Variants in PPP1R9A observed in about 807,000 individuals in gnomAD.
PPP1R9A encodes the protein protein phosphatase 1 regulatory subunit 9A, also known as neurabin-1.
A neutral mutation model predicts 141.9 loss-of-function variants in PPP1R9A; 59 were observed. The ratio of observed to expected loss-of-function variants is 0.42; its 90% CI spans 0.34 to 0.52. The LOEUF (loss-of-function observed/expected upper bound fraction) is 0.52. PPP1R9A is among the 20% of genes least tolerant of loss of function. The pLI, the probability that PPP1R9A is intolerant of heterozygous loss-of-function variation, is 0.10. For synonymous variants in PPP1R9A, 500 were observed against 569.7 expected (o/e 0.88, Z 1.74); for missense variants, 1,444 against 1,611.9 (o/e 0.90, Z 1.78).
At chr7:95,202,423 G>A (rs1789761481) in intron 6 of PPP1R9A, 1 of 161,330 alleles carries the variant, frequency 6.2e-6, no homozygotes, top group Non-Finnish European at 1.3e-5. Context: ...TTTAAGAAGA[G>A]GGAGATGAAT....
At chr7:95,121,459 G>GTCTATCTATCTA (rs35336740) in intron 4 of PPP1R9A, among the ~76,000 whole-genome samples, 107 of 50,364 alleles carry the variant, frequency 2.1e-3, no homozygotes, top group African/African-American at 3.6e-3. Flanking sequence ...CTGTCTGTCT[G>GTCTATCTATCTA]TCTATCTATC....
chr7:95,016,976 A>G (rs1805197214), intron 2 of PPP1R9A, among the ~76,000 whole-genome samples: 1 of 152,176 alleles, frequency 6.6e-6, no homozygotes, highest in Non-Finnish European at 1.5e-5. Flanking sequence ...CTAATCCAAT[A>G]TGACTGGTGT....
intron 4 of PPP1R9A, among the ~76,000 whole-genome samples, chr7:95,133,650 G>A (rs1825090461): frequency 6.6e-6 from 1 of 151,370 alleles, no homozygotes; most frequent in African/African-American, 2.4e-5. Flanking sequence ...TGAATTCTTA[G>A]GACCAGAAGA....
At chr7:95,058,821 G>T (rs368601678) in intron 2 of PPP1R9A, among the ~76,000 whole-genome samples, 2 of 151,150 alleles carry the variant, frequency 1.3e-5, no homozygotes, top group African/African-American at 4.9e-5. Context: ...ATGAAGTCTC[G>T]CTCTGTTACC....
At chr7:95,079,863 GA>G (rs1815514353) in intron 2 of PPP1R9A, among the ~76,000 whole-genome samples, 1 of 152,176 alleles carries the variant, frequency 6.6e-6, no homozygotes, top group South Asian at 2.1e-4. Context: ...AATAGATGCA[GA>G]AAAGGCCTTT....
At chr7:95,029,497 T>C (rs1352163904) in intron 2 of PPP1R9A, among the ~76,000 whole-genome samples, 6 of 152,228 alleles carry the variant, frequency 3.9e-5, no homozygotes, top group Non-Finnish European at 7.3e-5. Flanking sequence ...ACATAGAATG[T>C]ATATTAAAAT....
At chr7:94,953,866 C>T (rs368608456) in intron 2 of PPP1R9A, among the ~76,000 whole-genome samples, 29 of 152,142 alleles carry the variant, frequency 1.9e-4, no homozygotes, top group Middle Eastern at 6.8e-3. Context: ...TGGGCTGAGA[C>T]GATGGGGTTT....
chr7:94,923,040 C>G (rs1409005807), intron 2 of PPP1R9A, among the ~76,000 whole-genome samples: 2 of 152,110 alleles, frequency 1.3e-5, no homozygotes, highest in Non-Finnish European at 2.9e-5. Flanking sequence ...GAAGGTGTTA[C>G]TTTAAGAAAA....
intron 2 of PPP1R9A, among the ~76,000 whole-genome samples, chr7:95,033,265 T>C (rs368791599): frequency 0.017 from 2,602 of 151,046 alleles, 65 homozygotes; most frequent in African/African-American, 0.061. Flanking sequence ...CCGCCCGCCT[T>C]GGCCTCCCAA....
intron 2 of PPP1R9A, among the ~76,000 whole-genome samples, chr7:94,952,928 G>A (rs1796641666): frequency 1.3e-5 from 2 of 152,146 alleles, no homozygotes; most frequent in South Asian, 4.1e-4. Flanking sequence ...TCTGGTGATA[G>A]TTCCTTTTGC....
At chr7:95,179,454 G>A (rs1445148933) in intron 5 of PPP1R9A, among the ~76,000 whole-genome samples, 3 of 151,994 alleles carry the variant, frequency 2.0e-5, no homozygotes, top group African/African-American at 7.2e-5. Context: ...TTCCCTCTGA[G>A]AACTGGAACA....
chr7:95,063,938 T>G (rs2152095149), intron 2 of PPP1R9A, among the ~76,000 whole-genome samples: 1 of 152,340 alleles, frequency 6.6e-6, no homozygotes, highest in East Asian at 1.9e-4. Flanking sequence ...TTAATTCACT[T>G]CAAGTTTGTA....
intron 5 of PPP1R9A, among the ~76,000 whole-genome samples, chr7:95,191,090 G>A (rs961613557): frequency 1.3e-5 from 2 of 152,114 alleles, no homozygotes; most frequent in Non-Finnish European, 2.9e-5. Flanking sequence ...CTTCAATTTA[G>A]TAAATTGTAA....
At chr7:95,108,316 T>C (rs1466198385) in intron 2 of PPP1R9A, among the ~76,000 whole-genome samples, 7 of 123,256 alleles carry the variant, frequency 5.7e-5, no homozygotes, top group East Asian at 2.2e-4. Context: ...TCTTTTTTTT[T>C]TTTTTTTTTT....
chr7:95,157,371 G>A (rs1829800303), intron 4 of PPP1R9A, among the ~76,000 whole-genome samples: 2 of 152,132 alleles, frequency 1.3e-5, no homozygotes, highest in South Asian at 4.1e-4. Flanking sequence ...GCTCCATTCT[G>A]CAGCCACAGC....
intron 2 of PPP1R9A, among the ~76,000 whole-genome samples, chr7:95,004,664 T>C (rs937674215): frequency 6.6e-6 from 1 of 152,194 alleles, no homozygotes; most frequent in African/African-American, 2.4e-5. Context: ...AAAAGCTTAC[T>C]GGATAGGCTC....
chr7:95,238,134 C>A (rs975789540), intron 8 of PPP1R9A, among the ~76,000 whole-genome samples: 1 of 152,266 alleles, frequency 6.6e-6, no homozygotes. Flanking sequence ...TACCTCTCCT[C>A]TTGTTGCCAA....
At chr7:95,074,863 A>G (rs1035769024) in intron 2 of PPP1R9A, among the ~76,000 whole-genome samples, 3 of 152,124 alleles carry the variant, frequency 2.0e-5, no homozygotes, top group Admixed American at 6.5e-5. Flanking sequence ...TCTCTCCAAT[A>G]CTAAGTATCA....
At position 95,069,524 on chromosome 7, in the gene PPP1R9A, C is replaced by T. The variant is rs189533345; in HGVS notation, c.1396-41735C>T. Among the ~76,000 whole-genome samples the T allele has an allele frequency of 1.5e-3, 231 of 152,022 alleles. 1 individual carries two copies. Among genetic ancestry groups the T allele is most frequent in the Non-Finnish European group, 2.4e-3 (163 of 67,968 alleles). On this transcript the variant is annotated intron_variant, in intron 2 of 19. Coordinates refer to ENST00000433360, the MANE Select transcript of PPP1R9A (RefSeq NM_001166160.2). ...AAATCAGGACACTGTTGAGACACTCCACGGGTACCCCAGTGGAGGTTATGT... is the reference window on the plus strand; with the variant it reads ...AAATCAGGACACTGTTGAGACACTCTACGGGTACCCCAGTGGAGGTTATGT...
Sources: gnomAD v4.1 joint callset for allele counts (sites outside exome capture counted in the v4.1 genomes callset) on GRCh38, gnomAD v4.1.1 for gene constraint, MANE v1.5 for transcripts, NCBI Gene and HGNC (gene_info 2026-07-23, HGNC 2026-07-21) for gene names.